Variants in GFRA2 observed in about 807,000 individuals in gnomAD.
GFRA2 encodes the protein GDNF family receptor alpha 2.
GFRA2 carries 17 observed loss-of-function variants against 48.3 expected under a neutral mutation model. The observed-to-expected ratio is 0.35, with a 90% confidence interval of 0.24 to 0.53. The LOEUF (loss-of-function observed/expected upper bound fraction) is 0.53. GFRA2 is among the 20% of genes least tolerant of loss of function. The pLI, the probability that GFRA2 is intolerant of heterozygous loss-of-function variation, is 0.93. For missense variants in GFRA2, 660 were observed against 637.3 expected, an observed-to-expected ratio of 1.04 and a Z score of -0.38; for synonymous variants, 305 against 257.2, an observed-to-expected ratio of 1.19 and a Z score of -1.78.
At chr8:21,729,792 A>G (rs1804090137) in intron 4 of GFRA2, among the ~76,000 whole-genome samples, 1 of 151,728 alleles carries the variant, frequency 6.6e-6, no homozygotes, top group Non-Finnish European at 1.5e-5. Context: ...CAGAGTCACC[A>G]GAGAACGACT....
intron 1 of GFRA2, 156 bp from the exon 2 acceptor site, chr8:21,783,055 A>G (rs1807092251): frequency 5.4e-6 from 4 of 744,222 alleles, no homozygotes; most frequent in Non-Finnish European, 9.4e-6. Context: ...CTCATACCCC[A>G]GGGAGAACTC....
chr8:21,774,662 C>G (rs1440067510), intron 3 of GFRA2, among the ~76,000 whole-genome samples: 2 of 152,170 alleles, frequency 1.3e-5, no homozygotes, highest in Non-Finnish European at 2.9e-5. Context: ...GCAGGAGAGC[C>G]AGGGAACTGG....
At chr8:21,804,599 G>A (rs948182370) in intron 2 of GFRA2, among the ~76,000 whole-genome samples, 1 of 152,038 alleles carries the variant, frequency 6.6e-6, no homozygotes, top group African/African-American at 2.4e-5. Flanking sequence ...CCAGAGGTGG[G>A]CCCACCCTGC....
chr8:21,777,850 A>C (rs1330165809), intron 2 of GFRA2, among the ~76,000 whole-genome samples: 1 of 152,056 alleles, frequency 6.6e-6, no homozygotes, highest in Non-Finnish European at 1.5e-5. Context: ...TCACCCATCT[A>C]TGCCTCAGTT....
chr8:21,802,846 C>T (rs1298021977), intron 2 of GFRA2, among the ~76,000 whole-genome samples: 3 of 152,142 alleles, frequency 2.0e-5, no homozygotes, highest in Non-Finnish European at 4.4e-5. Context: ...AAGGAAATAA[C>T]ACTTGCTAAG....
Position 21,772,839 on chromosome 8 carries a change from G to C in GFRA2, c.439+2133C>G, listed in dbSNP as rs997615901. Among the ~76,000 whole-genome samples the C allele has an allele frequency of 1.6e-3, 246 of 152,336 alleles. 1 individual carries two copies. Among genetic ancestry groups the C allele is most frequent in the African/African-American group, 5.7e-3 (236 of 41,586 alleles). ...CTGCTAGGAAGATACTTAAGCATGA[G>C]TCCAGGGAGCAGAAGGGGCTTGGGC... On this transcript the variant is annotated intron_variant, in intron 3 of 8. Transcript: ENST00000524240.
chr8:21,795,364 CT>C (rs1220043308), intron 2 of GFRA2, among the ~76,000 whole-genome samples: 1 of 148,480 alleles, frequency 6.7e-6, no homozygotes, highest in African/African-American at 2.5e-5. Context: ...TTTTTTTTTT[CT>C]TTTTTCTTTT....
At position 21,764,154 on chromosome 8, in the gene GFRA2, C is replaced by T. The variant is rs185222155; in HGVS notation, c.439+10818G>A. ...ATAACAAATACCACAGACTGAGTGG[C>T]GTATAAATAAATCACAGAAATTTAT... On this transcript the variant is annotated intron_variant, in intron 3 of 8. Transcript: ENST00000524240. Among the ~76,000 whole-genome samples, 261 of 152,308 alleles carry T rather than the reference C, an allele frequency of 1.7e-3. 1 individual carries two copies. The highest frequency in any genetic ancestry group is 3.2e-3 in the Non-Finnish European group (216 of 68,020).
At chr8:21,784,656 G>A (rs1807180984) in intron 1 of GFRA2, among the ~76,000 whole-genome samples, 1 of 152,168 alleles carries the variant, frequency 6.6e-6, no homozygotes. Flanking sequence ...CAGCAGGGAT[G>A]GGCCTGGGGT....
chr8:21,722,384 G>C (rs1203102322), intron 4 of GFRA2, among the ~76,000 whole-genome samples: 1 of 152,204 alleles, frequency 6.6e-6, no homozygotes, highest in East Asian at 1.9e-4. Context: ...ACTTGCTGAT[G>C]CAAGATGAAA....
chr8:21,710,644 A>T (rs1802976859), intron 4 of GFRA2, among the ~76,000 whole-genome samples: 1 of 152,198 alleles, frequency 6.6e-6, no homozygotes, highest in Non-Finnish European at 1.5e-5. Flanking sequence ...GACCACTGAC[A>T]AGAGCACCCC....
At chr8:21,705,176 C>T in intron 5 of GFRA2, 51 bp from the exon 6 acceptor site, 1 of 1,556,666 alleles carries the variant, frequency 6.4e-7, no homozygotes, top group East Asian at 2.3e-5. Flanking sequence ...TGGGGCCTTC[C>T]CCTTGGGCCC....
chr8:21,800,386 G>A (rs1807748995), intron 2 of GFRA2, among the ~76,000 whole-genome samples: 1 of 152,242 alleles, frequency 6.6e-6, no homozygotes, highest in African/African-American at 2.4e-5. Flanking sequence ...TGAATCTGCA[G>A]CATTCACACG....
At chr8:21,769,267 C>A in intron 3 of GFRA2, 1 of 550,146 alleles carries the variant, frequency 1.8e-6, no homozygotes. Flanking sequence ...CGCCCCTGCC[C>A]TGCCCCTTCC....
intron 7 of GFRA2, among the ~76,000 whole-genome samples, chr8:21,695,918 C>A (rs770056715): frequency 3.3e-5 from 5 of 152,114 alleles, no homozygotes; most frequent in Non-Finnish European, 5.9e-5. Flanking sequence ...CCTACGGACA[C>A]CCAGCGTCAC....
intron 2 of GFRA2, among the ~76,000 whole-genome samples, chr8:21,795,840 A>G (rs1004759203): frequency 9.2e-5 from 14 of 152,286 alleles, no homozygotes; most frequent in Admixed American, 9.2e-4. Flanking sequence ...GCATCCACCT[A>G]CTACAGGCCT....
chr8:21,786,424 C>T (rs1171341583), intron 1 of GFRA2, among the ~76,000 whole-genome samples: 19 of 152,256 alleles, frequency 1.2e-4, no homozygotes, highest in African/African-American at 4.3e-4. Flanking sequence ...GCCTGAAATA[C>T]AATTTTTTTT....
intron 4 of GFRA2, among the ~76,000 whole-genome samples, chr8:21,735,566 T>C (rs979169584): frequency 1.3e-5 from 2 of 151,852 alleles, no homozygotes; most frequent in African/African-American, 4.8e-5. Flanking sequence ...CTGAGTGGTC[T>C]CTCTGAGGAC....
Position 21,774,998 on chromosome 8 carries a change from A to C in GFRA2, c.413T>G (p.Ile138Ser), listed in dbSNP as rs1806625316. 3 of 1,603,864 alleles carry C rather than the reference A, an allele frequency of 1.9e-6. No homozygotes were observed. Among genetic ancestry groups the C allele is most frequent in the Non-Finnish European group, 2.6e-6 (3 of 1,170,918 alleles). Reference sequence around the variant, plus strand: ...TGAGAAGATTGAAGCAAGCCTGAAGATGTCCGAGAGGCGGGAGGTCACCGG... The same window carrying C: ...TGAGAAGATTGAAGCAAGCCTGAAGCTGTCCGAGAGGCGGGAGGTCACCGG... ...YEPVTSRLSDIFRLASIFSGT... is the reference protein window; with the variant it reads ...YEPVTSRLSDSFRLASIFSGT... Residue 138 changes from isoleucine (I) to serine (S), a missense_variant, in exon 3 of 9, where the codon ATC (isoleucine) becomes AGC (serine). By Grantham distance (142) the Ile-to-Ser change is moderately radical (BLOSUM62 -2). Transcript: ENST00000524240.
Sources: allele counts gnomAD v4.1 joint callset (sites outside exome capture counted in the v4.1 genomes callset), GRCh38; gene constraint gnomAD v4.1.1; transcripts MANE v1.5; gene names NCBI Gene and HGNC (gene_info 2026-07-23, HGNC 2026-07-21).